The following ERBB4 variants were observed in gnomAD, a reference collection of about 807,000 sequenced individuals.
ERBB4 encodes erb-b2 receptor tyrosine kinase 4.
A neutral mutation model predicts 158.0 loss-of-function variants in ERBB4; 42 were observed. The observed-to-expected ratio is 0.27, with a 90% CI of 0.21 to 0.34. ERBB4 has a LOEUF of 0.34. Ranked by LOEUF, ERBB4 falls within the 10% of genes least tolerant of loss-of-function variation. The probability of loss-of-function intolerance (pLI) is 1.00; values close to 1 mark genes in which losing one functional copy is unlikely to be tolerated. For synonymous variants in ERBB4, 583 were observed against 558.7 expected, an observed-to-expected ratio of 1.04 and a Z score of -0.61; for missense variants, 1,333 against 1,624.1, an observed-to-expected ratio of 0.82 and a Z score of 3.08.
At chr2:211,552,549 A>C (rs901199246) in intron 20 of ERBB4, among the ~76,000 whole-genome samples, 2 of 151,972 alleles carry the variant, frequency 1.3e-5, no homozygotes, top group South Asian at 2.1e-4. Context: ...ATGGCAAAAC[A>C]CCAAAAAAAA....
At chr2:212,160,620 T>C (rs563647594) in intron 1 of ERBB4, among the ~76,000 whole-genome samples, 16 of 152,144 alleles carry the variant, frequency 1.1e-4, no homozygotes, top group African/African-American at 3.6e-4. Flanking sequence ...GTATTCTATA[T>C]GTTCCTCTTA....
chr2:211,914,465 G>C (rs1040259469), intron 3 of ERBB4, among the ~76,000 whole-genome samples: 1 of 151,966 alleles, frequency 6.6e-6, no homozygotes, highest in Non-Finnish European at 1.5e-5. Context: ...TTGATTTAAA[G>C]ATTTTCTTTT....
chr2:211,711,115 G>A (rs2073682442), intron 9 of ERBB4, among the ~76,000 whole-genome samples: 1 of 151,894 alleles, frequency 6.6e-6, no homozygotes, highest in East Asian at 1.9e-4. Context: ...ACATGGGGCT[G>A]TATTAAAAGC....
chr2:212,023,258 A>C (rs913868107), intron 2 of ERBB4, among the ~76,000 whole-genome samples: 2 of 152,042 alleles, frequency 1.3e-5, no homozygotes, highest in African/African-American at 4.8e-5. Flanking sequence ...TTTACTACAT[A>C]ATTTTTGTAG....
At chr2:211,634,285 T>C (rs1199096346) in intron 16 of ERBB4, among the ~76,000 whole-genome samples, 1 of 152,214 alleles carries the variant, frequency 6.6e-6, no homozygotes, top group East Asian at 1.9e-4. Context: ...ATTTTGTTAT[T>C]CCCTGTCCAC....
chr2:212,331,214 G>C (rs1280096064), intron 1 of ERBB4, among the ~76,000 whole-genome samples: 1 of 150,144 alleles, frequency 6.7e-6, no homozygotes, highest in African/African-American at 2.4e-5. Context: ...GAACCAAACA[G>C]AACAGTTAAA....
intron 1 of ERBB4, among the ~76,000 whole-genome samples, chr2:212,195,152 T>A (rs1224311371): frequency 6.6e-6 from 1 of 152,010 alleles, no homozygotes; most frequent in African/African-American, 2.4e-5. Flanking sequence ...AAGTATTATT[T>A]CATTGTAGAT....
chr2:211,538,366 T>G (rs1431104588), intron 20 of ERBB4, among the ~76,000 whole-genome samples: 1 of 151,850 alleles, frequency 6.6e-6, no homozygotes, highest in Admixed American at 6.6e-5. Context: ...ATAGAAAAAT[T>G]TGCCTTCCCA....
chr2:212,436,076 C>T (rs1192692183), intron 1 of ERBB4, among the ~76,000 whole-genome samples: 1 of 151,722 alleles, frequency 6.6e-6, no homozygotes, highest in Non-Finnish European at 1.5e-5. Context: ...AATGTGCCAT[C>T]AAAATTTGTC....
chr2:212,302,691 G>A (rs2086665816), intron 1 of ERBB4, among the ~76,000 whole-genome samples: 1 of 151,372 alleles, frequency 6.6e-6, no homozygotes. Flanking sequence ...CCTCCAAAAG[G>A]ATAAAATGTT....
intron 2 of ERBB4, among the ~76,000 whole-genome samples, chr2:212,063,976 C>A (rs191952227): frequency 6.6e-6 from 1 of 152,114 alleles, no homozygotes; most frequent in East Asian, 1.9e-4. Context: ...GACATGGTAA[C>A]TAAGACTTGT....
intron 1 of ERBB4, among the ~76,000 whole-genome samples, chr2:212,413,226 T>A (rs2091553862): frequency 6.7e-6 from 1 of 148,482 alleles, no homozygotes; most frequent in Non-Finnish European, 1.5e-5. Flanking sequence ...GACCTCGTGA[T>A]CCGCCCGACT....
rs778828258 is a variant in ERBB4, at chr2:211,380,094, G to A, written c.*3521C>T. On this transcript the variant is annotated 3_prime_UTR_variant, in exon 28 of 28. Coordinates refer to ENST00000342788, the MANE Select transcript of ERBB4 (RefSeq NM_005235.3). ...GTCCTTCTCCCTAATCTACAAAAAAGAATCACTTGATTTTAGTTTGTGTGT... is the reference window on the plus strand; with the variant it reads ...GTCCTTCTCCCTAATCTACAAAAAAAAATCACTTGATTTTAGTTTGTGTGT... 4.3e-6 allele frequency: 1 copy of A among 231,872 alleles called. No individual in the cohort carries two copies. The highest frequency in any genetic ancestry group is 8.5e-6 in the Non-Finnish European group (1 of 117,372). 14.4% of individuals were successfully genotyped at this position (231,872 alleles called of 1,614,324 possible).
At chr2:212,113,054 T>G (rs1020072158) in intron 2 of ERBB4, among the ~76,000 whole-genome samples, 1 of 152,098 alleles carries the variant, frequency 6.6e-6, no homozygotes, top group Non-Finnish European at 1.5e-5. Context: ...CTTAGGACTA[T>G]GGAGAAACAA....
intron 3 of ERBB4, among the ~76,000 whole-genome samples, chr2:211,932,300 C>T (rs1210568762): frequency 6.6e-6 from 1 of 151,848 alleles, no homozygotes; most frequent in Non-Finnish European, 1.5e-5. Flanking sequence ...TGACTTTATG[C>T]GTAAGTCTTA....
At chr2:212,479,522 T>C (rs1378096473) in intron 1 of ERBB4, among the ~76,000 whole-genome samples, 1 of 152,182 alleles carries the variant, frequency 6.6e-6, no homozygotes, top group Non-Finnish European at 1.5e-5. Context: ...GCACTACGCT[T>C]GAAAGTCATT....
chr2:212,261,049 G>A (rs946347591), intron 1 of ERBB4, among the ~76,000 whole-genome samples: 1 of 152,050 alleles, frequency 6.6e-6, no homozygotes, highest in Non-Finnish European at 1.5e-5. Context: ...ATAATAATCC[G>A]GACTTTGCTC....
rs937996101 is a variant in ERBB4, at chr2:211,728,146, C to G, written c.623-2952G>C. 2.6e-5 allele frequency among the ~76,000 whole-genome samples: 4 copies of G among 151,882 alleles called. No homozygotes were observed. The East Asian group carries it at 7.7e-4, about 29-fold the overall frequency. ...TACTGAATTTTTCCCAATCAACTGA[C>G]TCCTTATGAACCTTCATCTTCTTTT... On this transcript the variant is annotated intron_variant, in intron 5 of 27. Coordinates refer to ENST00000342788, the MANE Select transcript of ERBB4 (RefSeq NM_005235.3).
chr2:211,910,093 T>C (rs1424664303), intron 3 of ERBB4, among the ~76,000 whole-genome samples: 1 of 151,318 alleles, frequency 6.6e-6, no homozygotes, highest in African/African-American at 2.4e-5. Context: ...CTAATTTTCG[T>C]ATTTTTAGTA....
Sources: allele counts gnomAD v4.1 joint callset (sites outside exome capture counted in the v4.1 genomes callset), GRCh38; gene constraint gnomAD v4.1.1; transcripts MANE v1.5; gene names NCBI Gene and HGNC (gene_info 2026-07-23, HGNC 2026-07-21).